RREB1: variants seen among roughly 807,000 people sequenced by gnomAD.
The protein encoded by RREB1 is ras-responsive element-binding protein 1.
In RREB1, 27 loss-of-function variants were observed where a neutral mutation model predicts 117.8. The ratio of observed to expected loss-of-function variants is 0.23; its 90% CI spans 0.17 to 0.32. The LOEUF is 0.32. RREB1 is among the 10% of genes least tolerant of loss of function. RREB1 has a pLI of 1.00. For missense variants in RREB1, 2,577 were observed against 2,378.2 expected, an observed-to-expected ratio of 1.08 and a Z score of -1.74; for synonymous variants, 1,298 against 1,026.7, an observed-to-expected ratio of 1.26 and a Z score of -5.05.
intron 1 of RREB1, among the ~76,000 whole-genome samples, chr6:7,164,470 A>G (rs182808806): frequency 5.9e-5 from 9 of 152,340 alleles, no homozygotes; most frequent in Admixed American, 4.6e-4. Flanking sequence ...TTCTGAATGC[A>G]TTAACCTCAC....
intron 1 of RREB1, among the ~76,000 whole-genome samples, chr6:7,150,457 TTTAA>T (rs1463286251): frequency 6.6e-6 from 1 of 152,214 alleles, no homozygotes; most frequent in African/African-American, 2.4e-5. Context: ...CCTTTGAAAT[TTTAA>T]TTAGTTTTGA....
At chr6:7,131,968 C>A (rs1363247725) in intron 1 of RREB1, among the ~76,000 whole-genome samples, 1 of 151,738 alleles carries the variant, frequency 6.6e-6, no homozygotes, top group Non-Finnish European at 1.5e-5. Flanking sequence ...CTGTGATTGT[C>A]GTGCCTCAGC....
chr6:7,188,732 T>G (rs1478628131), intron 5 of RREB1, among the ~76,000 whole-genome samples: 4 of 152,214 alleles, frequency 2.6e-5, no homozygotes, highest in African/African-American at 9.7e-5. Context: ...CTGTGCAGGT[T>G]TCAGTTCTCT....
intron 1 of RREB1, among the ~76,000 whole-genome samples, chr6:7,164,401 C>A (rs977912341): frequency 2.6e-5 from 4 of 152,260 alleles, no homozygotes; most frequent in African/African-American, 9.6e-5. Context: ...TTAGGAAGAT[C>A]TTTTGTATCC....
At chr6:7,160,444 A>G (rs1182138412) in intron 1 of RREB1, among the ~76,000 whole-genome samples, 1 of 152,222 alleles carries the variant, frequency 6.6e-6, no homozygotes, top group Non-Finnish European at 1.5e-5. Context: ...TATAGCATAG[A>G]ATCTTAAATG....
intron 1 of RREB1, among the ~76,000 whole-genome samples, chr6:7,166,081 G>T (rs1763914238): frequency 6.6e-6 from 1 of 152,166 alleles, no homozygotes; most frequent in South Asian, 2.1e-4. Flanking sequence ...ACCCCCCAGG[G>T]AGTGCAGTTG....
intron 1 of RREB1, among the ~76,000 whole-genome samples, chr6:7,110,526 G>A (rs186118649): frequency 1.3e-5 from 2 of 151,590 alleles, no homozygotes; most frequent in Admixed American, 1.3e-4. Flanking sequence ...TTTGGAGGGA[G>A]CCTTCTGGGT....
intron 1 of RREB1, among the ~76,000 whole-genome samples, chr6:7,128,923 T>C (rs535123033): frequency 9.9e-5 from 15 of 152,270 alleles, no homozygotes; most frequent in African/African-American, 3.6e-4. Context: ...AAGCTGAGAT[T>C]GGGCCACTGC....
intron 1 of RREB1, among the ~76,000 whole-genome samples, chr6:7,135,377 T>G (rs569841317): frequency 6.6e-6 from 1 of 152,202 alleles, no homozygotes; most frequent in Non-Finnish European, 1.5e-5. Context: ...TTCTAAGCAT[T>G]CTGAAAGCTG....
intron 10 of RREB1, 106 bp downstream of exon 10, chr6:7,232,013 C>G (rs971435698): frequency 2.5e-6 from 3 of 1,217,672 alleles, no homozygotes; most frequent in Non-Finnish European, 3.4e-6. Context: ...CCAGTTATTC[C>G]TAGCTTGGCT....
At chr6:7,247,250 C>T in intron 12 of RREB1, 29 bp downstream of exon 12, 1 of 1,587,508 alleles carries the variant, frequency 6.3e-7, no homozygotes, top group Non-Finnish European at 8.6e-7. Context: ...GTCCCCGGCC[C>T]AACAAGAGGA....
intron 6 of RREB1, among the ~76,000 whole-genome samples, chr6:7,189,916 G>C (rs1318098280): frequency 6.6e-6 from 1 of 152,158 alleles, no homozygotes; most frequent in African/African-American, 2.4e-5. Flanking sequence ...TGAACCTATG[G>C]AAAATAGAGT....
chr6:7,180,021 T>C (rs558311810), intron 2 of RREB1, among the ~76,000 whole-genome samples: 4 of 152,016 alleles, frequency 2.6e-5, no homozygotes, highest in South Asian at 4.2e-4. Flanking sequence ...GATGAAAGTA[T>C]AGATGTTTTT....
intron 1 of RREB1, among the ~76,000 whole-genome samples, chr6:7,131,064 G>T (rs1036789552): frequency 6.7e-6 from 1 of 150,170 alleles, no homozygotes; most frequent in Non-Finnish European, 1.5e-5. Context: ...TCAGCCTCCG[G>T]AGTAGGTGGG....
intron 6 of RREB1, among the ~76,000 whole-genome samples, chr6:7,199,166 T>C (rs1219408692): frequency 1.3e-5 from 2 of 152,238 alleles, no homozygotes; most frequent in Non-Finnish European, 2.9e-5. Flanking sequence ...CTCTGATAGC[T>C]CCGCCTAACT....
At chr6:7,207,874 G>A (rs1766365614) in intron 6 of RREB1, among the ~76,000 whole-genome samples, 1 of 152,246 alleles carries the variant, frequency 6.6e-6, no homozygotes, top group Non-Finnish European at 1.5e-5. Context: ...CTTGAGGACA[G>A]ATAGACAGAA....
chr6:7,221,971 A>T (rs1220007446), intron 8 of RREB1, among the ~76,000 whole-genome samples: 1 of 152,194 alleles, frequency 6.6e-6, no homozygotes, highest in Non-Finnish European at 1.5e-5. Context: ...AGTACTTTGC[A>T]GTTTTCAAAG....
chr6:7,126,199 A>G (rs1306400877), intron 1 of RREB1, among the ~76,000 whole-genome samples: 1 of 151,968 alleles, frequency 6.6e-6, no homozygotes, highest in African/African-American at 2.4e-5. Context: ...GCTGGGTTTC[A>G]CTATGTTGGT....
intron 1 of RREB1, among the ~76,000 whole-genome samples, chr6:7,161,396 A>G (rs554994263): frequency 6.6e-6 from 1 of 152,188 alleles, no homozygotes; most frequent in Admixed American, 6.5e-5. Context: ...GGGTTTAAAA[A>G]CCCCAGGAGG....
Sources: allele counts gnomAD v4.1 joint callset (sites outside exome capture counted in the v4.1 genomes callset), GRCh38; gene constraint gnomAD v4.1.1; transcripts MANE v1.5; gene names NCBI Gene and HGNC (gene_info 2026-07-23, HGNC 2026-07-21).